The following RIPOR2 variants were observed in gnomAD, a reference collection of about 807,000 sequenced individuals.
The protein encoded by RIPOR2 is RHO family interacting cell polarization regulator 2, also known as rho family-interacting cell polarization regulator 2.
Under a neutral mutation model 114.5 loss-of-function variants are expected in RIPOR2, and 39 were observed. The ratio of observed to expected loss-of-function variants is 0.34; its 90% CI spans 0.26 to 0.44. The LOEUF (loss-of-function observed/expected upper bound fraction) is 0.44, where lower values mean the gene tolerates loss of function less well. RIPOR2 is among the 20% of genes least tolerant of loss of function. RIPOR2 has a pLI of 1.00. For missense variants in RIPOR2, 1,007 were observed against 1,255.1 expected (o/e 0.80, Z 2.99); for synonymous variants, 445 against 484.4 (o/e 0.92, Z 1.07).
At chr6:24,930,359 C>T (rs1387431622) in intron 1 of RIPOR2, among the ~76,000 whole-genome samples, 1 of 152,170 alleles carries the variant, frequency 6.6e-6, no homozygotes, top group Non-Finnish European at 1.5e-5. Flanking sequence ...TAAGACTTGG[C>T]TTGCTGCTCA....
intron 1 of RIPOR2, among the ~76,000 whole-genome samples, chr6:25,016,892 G>C (rs914537662): frequency 6.6e-5 from 10 of 152,286 alleles, no homozygotes; most frequent in Non-Finnish European, 1.2e-4. Context: ...TCTTCTAGGG[G>C]ATTCACATTC....
intron 1 of RIPOR2, among the ~76,000 whole-genome samples, chr6:24,887,194 C>T (rs1003532576): frequency 6.6e-6 from 1 of 152,166 alleles, no homozygotes; most frequent in Non-Finnish European, 1.5e-5. Context: ...CAGGGCCTTG[C>T]TTGTATTTTA....
At chr6:24,849,118 T>A (rs564813735) in intron 11 of RIPOR2, among the ~76,000 whole-genome samples, 1 of 152,336 alleles carries the variant, frequency 6.6e-6, no homozygotes, top group Admixed American at 6.5e-5. Context: ...TTGGCCAGGC[T>A]GGTCTCAAAC....
In RIPOR2 at chr6:24,851,270, T is replaced by G. The variant is rs146734176; in HGVS notation, c.760-548A>C. Among the ~76,000 whole-genome samples the G allele has an allele frequency of 2.4e-3, 361 of 152,296 alleles. 1 individual carries two copies. Among genetic ancestry groups the G allele is most frequent in the African/African-American group, 8.2e-3 (342 of 41,570 alleles). ...CAGGTTTTCTGTAGTAAAAGGTCAT[T>G]GCACTGTGCCCTTCTGCTCACTCAT... On this transcript the variant is annotated intron_variant, in intron 9 of 21. Coordinates refer to ENST00000643898, the MANE Select transcript of RIPOR2 (RefSeq NM_001286445.3).
chr6:24,897,882 C>T (rs923928947), intron 1 of RIPOR2, among the ~76,000 whole-genome samples: 3 of 152,078 alleles, frequency 2.0e-5, no homozygotes, highest in African/African-American at 7.2e-5. Context: ...TTCACAGCCT[C>T]CCAAGTAGCT....
chr6:24,844,755 G>A (rs1762089528), intron 12 of RIPOR2, among the ~76,000 whole-genome samples: 1 of 152,150 alleles, frequency 6.6e-6, no homozygotes, highest in South Asian at 2.1e-4. Context: ...GGGATTACAG[G>A]CGTGAGCCAC....
upstream of RIPOR2, among the ~76,000 whole-genome samples, chr6:24,937,494 C>G (rs1010661713): frequency 6.6e-6 from 1 of 152,224 alleles, no homozygotes; most frequent in South Asian, 2.1e-4. Context: ...TTTTACCACC[C>G]CCTACCATGA....
chr6:24,939,684 T>C (rs1772016290), upstream of RIPOR2, among the ~76,000 whole-genome samples: 2 of 152,012 alleles, frequency 1.3e-5, no homozygotes, highest in Admixed American at 1.3e-4. Context: ...TCACAGAGAG[T>C]AGTTTTCACT....
chr6:24,829,134 G>A (rs1165260474), intron 17 of RIPOR2, among the ~76,000 whole-genome samples: 7 of 151,348 alleles, frequency 4.6e-5, no homozygotes, highest in East Asian at 3.9e-4. Flanking sequence ...GCAACATGGC[G>A]GAACCCTGTT....
intron 1 of RIPOR2, among the ~76,000 whole-genome samples, chr6:24,999,294 C>T (rs1260403610): frequency 1.8e-4 from 27 of 152,212 alleles, no homozygotes; most frequent in Admixed American, 1.8e-3. Context: ...ATACAAATCA[C>T]ACACCTGCCA....
intron 1 of RIPOR2, among the ~76,000 whole-genome samples, chr6:24,927,050 AC>A (rs1362622470): frequency 8.3e-3 from 2 of 240 alleles, no homozygotes; most frequent in Non-Finnish European, 0.013. Flanking sequence ...TCATCTCACT[AC>A]CACCACCACC....
chr6:24,953,256 C>A (rs991338822), intron 1 of RIPOR2, among the ~76,000 whole-genome samples: 4 of 152,142 alleles, frequency 2.6e-5, no homozygotes, highest in Admixed American at 2.6e-4. Context: ...TCTCTTGAAC[C>A]CGGGAGGCAG....
chr6:24,915,304 A>G (rs1296491067), intron 1 of RIPOR2, among the ~76,000 whole-genome samples: 3 of 149,668 alleles, frequency 2.0e-5, no homozygotes, highest in South Asian at 2.1e-4. Flanking sequence ...GCTCACGTCT[A>G]TTGAATTCTT....
At chr6:24,808,762 C>T (rs1433000662) in intron 21 of RIPOR2, among the ~76,000 whole-genome samples, 6 of 128,082 alleles carry the variant, frequency 4.7e-5, no homozygotes, top group African/African-American at 8.3e-5. Flanking sequence ...ATACTTTTTT[C>T]TTTTTTTTTT....
intron 6 of RIPOR2, 103 bp downstream of exon 6, chr6:24,868,991 G>C: frequency 3.2e-6 from 2 of 615,470 alleles, no homozygotes; most frequent in Non-Finnish European, 5.8e-6. Flanking sequence ...GAGTCAATTG[G>C]ATAGGAAGTT....
chr6:24,843,285 G>A lies in RIPOR2; in HGVS notation c.1434C>T (p.His478=), dbSNP rs370822188. Residue 478 remains histidine (H), a synonymous_variant, in exon 13 of 22, where the codon CAC becomes CAT. Coordinates refer to ENST00000643898, the MANE Select transcript of RIPOR2 (RefSeq NM_001286445.3). The part of the protein sequence containing the change: ...SLGEGQEPKS[H]LKEEDPEEPR... ...GCTCCTCTGGGTCTTCCTCCTTCAG[G>A]TGTGACTTTGGCTCTTGGCCTTCTC... 1.8e-5 allele frequency: 29 copies of A among 1,613,862 alleles called. No individual in the cohort carries two copies. In the African/African-American group the frequency reaches 2.3e-4, roughly 13 times the overall value.
At chr6:24,877,009 T>TAAATAGTTACTGCCCAGATTGAA in intron 1 of RIPOR2, 1 of 985,150 alleles carries the variant, frequency 1.0e-6, no homozygotes, top group Non-Finnish European at 1.2e-6. Flanking sequence ...GGAAAAAGGG[T>TAAATAGTTACTGCCCAGATTGAA]AAATAGTTAC....
At chr6:24,998,057 G>A (rs139660266) in intron 1 of RIPOR2, among the ~76,000 whole-genome samples, 3 of 152,214 alleles carry the variant, frequency 2.0e-5, no homozygotes, top group East Asian at 3.9e-4. Context: ...TAGGCGGTGG[G>A]GAGGGTATTC....
rs1356114846 is a variant in RIPOR2, at chr6:24,811,642, C to T, written c.2953-1835G>A. Among the ~76,000 whole-genome samples, 6 of 150,630 alleles carry T rather than the reference C, an allele frequency of 4.0e-5. 1 individual carries two copies. Among genetic ancestry groups the T allele is most frequent in the Admixed American group, 2.0e-4 (3 of 15,022 alleles). ...AAGGGAAACATCCATGTCAGGAGTT[C>T]CCATTCGTTTAGTACTTTTTTTTTT... On this transcript the variant is annotated intron_variant, in intron 20 of 21. Coordinates refer to ENST00000643898, the MANE Select transcript of RIPOR2 (RefSeq NM_001286445.3).
Sources: allele counts gnomAD v4.1 joint callset (sites outside exome capture counted in the v4.1 genomes callset), GRCh38; gene constraint gnomAD v4.1.1; transcripts MANE v1.5; gene names NCBI Gene and HGNC (gene_info 2026-07-23, HGNC 2026-07-21).